The following ST8SIA6 variants were observed in gnomAD, a reference collection of about 807,000 sequenced individuals.
The protein encoded by ST8SIA6 is ST8 alpha-N-acetyl-neuraminide alpha-2,8-sialyltransferase 6, also known as alpha-2,8-sialyltransferase 8F.
ST8SIA6 carries 39 observed loss-of-function variants against 33.6 expected under a neutral mutation model. That is an observed-to-expected ratio of 1.16 (90% confidence interval 0.90 to 1.52). ST8SIA6 has a LOEUF of 1.52. ST8SIA6 is among the 40% of genes most tolerant of loss of function. The pLI, the probability that ST8SIA6 is intolerant of heterozygous loss-of-function variation, is 0.00. For synonymous variants in ST8SIA6, 172 were observed against 167.2 expected, an observed-to-expected ratio of 1.03 and a Z score of -0.22; for missense variants, 441 against 443.8, an observed-to-expected ratio of 0.99 and a Z score of 0.06.
chr10:17,320,975 T>C lies in ST8SIA6; in HGVS notation c.1100A>G (p.His367Arg). The change falls in exon 8 of 8, where the codon CAT becomes CGT. Residue 367 changes from histidine to arginine, a missense_variant. Transcript: ENST00000377602. ...HHYYDNKLPK[H>R]GFHQMPKEYS... ...TTCTTTGGGCATCTGATGGAAACCA[T>C]GTTTAGGTAGCTTGTTGTCATAATA... 1 of 1,614,128 alleles carries C rather than the reference T, an allele frequency of 6.2e-7. No individual in the cohort carries two copies. Among genetic ancestry groups the C allele is most frequent in the Non-Finnish European group, 8.5e-7 (1 of 1,179,978 alleles).
rs981388915 is a variant in ST8SIA6, at chr10:17,398,098, G to A, written c.201-7478C>T. On this transcript the variant is annotated intron_variant, in intron 2 of 7. Transcript: ENST00000377602. ...TCCCAGCACTTTGGGAGGCTGCGGC[G>A]GGTGGATCACCTGAGGTCAGGAGTT... 2.6e-5 allele frequency among the ~76,000 whole-genome samples: 4 copies of A among 152,082 alleles called. 1 individual carries two copies. Among genetic ancestry groups the A allele is most frequent in the African/African-American group, 7.2e-5 (3 of 41,402 alleles).
chr10:17,326,539 A>T (rs1232580379), intron 6 of ST8SIA6, among the ~76,000 whole-genome samples: 2 of 152,260 alleles, frequency 1.3e-5, no homozygotes, highest in African/African-American at 4.8e-5. Flanking sequence ...AAACGAAATA[A>T]TGATACAGTT....
At chr10:17,326,678 T>C (rs911371149) in intron 6 of ST8SIA6, among the ~76,000 whole-genome samples, 5 of 152,118 alleles carry the variant, frequency 3.3e-5, no homozygotes, top group Admixed American at 1.3e-4. Context: ...CAAGGTCAGG[T>C]GAGCCTGAGA....
chr10:17,397,237 T>TG (rs1554796921), intron 2 of ST8SIA6, among the ~76,000 whole-genome samples: 1 of 145,540 alleles, frequency 6.9e-6, no homozygotes, highest in Admixed American at 6.9e-5. Flanking sequence ...TTTTTTGTTT[T>TG]TTTTTTTTTT....
At chr10:17,385,772 T>C (rs888481549) in intron 3 of ST8SIA6, among the ~76,000 whole-genome samples, 1 of 152,156 alleles carries the variant, frequency 6.6e-6, no homozygotes, top group East Asian at 1.9e-4. Flanking sequence ...CATACCTCCC[T>C]AAAATGTATA....
At chr10:17,401,254 CA>C (rs1363449802) in intron 2 of ST8SIA6, among the ~76,000 whole-genome samples, 77 of 152,254 alleles carry the variant, frequency 5.1e-4, no homozygotes, top group African/African-American at 1.8e-3. Flanking sequence ...AGGAGAACTA[CA>C]AACCACTGCT....
intron 3 of ST8SIA6, among the ~76,000 whole-genome samples, chr10:17,368,922 C>T (rs765116274): frequency 2.6e-5 from 4 of 152,126 alleles, no homozygotes; most frequent in Admixed American, 1.3e-4. Flanking sequence ...TGCTATTGGC[C>T]TTGCTATTCA....
At chr10:17,387,837 A>G (rs1937497643) in intron 3 of ST8SIA6, among the ~76,000 whole-genome samples, 1 of 152,242 alleles carries the variant, frequency 6.6e-6, no homozygotes, top group South Asian at 2.1e-4. Flanking sequence ...TAACAACGCC[A>G]AGCTCTCAAT....
intron 4 of ST8SIA6, among the ~76,000 whole-genome samples, chr10:17,344,660 G>A (rs374178454): frequency 9.9e-5 from 15 of 152,180 alleles, no homozygotes; most frequent in African/African-American, 3.6e-4. Flanking sequence ...CTACACCTTT[G>A]GAAATTTTGG....
intron 2 of ST8SIA6, among the ~76,000 whole-genome samples, chr10:17,438,011 G>C (rs932397279): frequency 1.3e-5 from 2 of 151,702 alleles, no homozygotes; most frequent in South Asian, 2.1e-4. Flanking sequence ...ATACAGGTGT[G>C]AGCCACCATG....
At chr10:17,423,566 C>G (rs992351301) in intron 2 of ST8SIA6, among the ~76,000 whole-genome samples, 2 of 152,184 alleles carry the variant, frequency 1.3e-5, no homozygotes, top group African/African-American at 2.4e-5. Context: ...CTTCACTTTC[C>G]AGGCTTTTCT....
intron 2 of ST8SIA6, among the ~76,000 whole-genome samples, chr10:17,394,247 G>C (rs536906854): frequency 6.6e-6 from 1 of 151,848 alleles, no homozygotes; most frequent in Non-Finnish European, 1.5e-5. Flanking sequence ...TGAAGGTGAC[G>C]GAATGAAGTC....
rs1166496558 is a variant in ST8SIA6 at position 17,333,699 on chromosome 10, A to T, written c.378-2147T>A. 1.3e-3 allele frequency among the ~76,000 whole-genome samples: 31 copies of T among 23,034 alleles called. 7 individuals carry two copies. Among genetic ancestry groups the T allele is most frequent in the South Asian group, 2.6e-3 (2 of 782 alleles). The allele number at this position is 23,034 out of a possible 152,430, so 15.1% of individuals were successfully genotyped here. On this transcript the variant is annotated intron_variant, in intron 4 of 7. Transcript: ENST00000377602. ...TATATATATATATATATATATATAT[A>T]TATATATATATATATATATTTTTTT...
At chr10:17,423,274 G>A (rs1022560664) in intron 2 of ST8SIA6, among the ~76,000 whole-genome samples, 3 of 152,146 alleles carry the variant, frequency 2.0e-5, no homozygotes, top group East Asian at 1.9e-4. Flanking sequence ...TTCTGTTCTC[G>A]AAATCCTAAT....
chr10:17,333,688 T>TAGATATATATAG (rs1391580983), intron 4 of ST8SIA6, among the ~76,000 whole-genome samples: 1 of 21,324 alleles, frequency 4.7e-5, no homozygotes, highest in African/African-American at 1.4e-4. Context: ...TATATATATA[T>TAGATATATATAG]ATATATATAT....
intron 3 of ST8SIA6, among the ~76,000 whole-genome samples, chr10:17,368,261 A>T (rs2440615): frequency 6.8e-6 from 1 of 147,742 alleles, no homozygotes; most frequent in South Asian, 2.2e-4. Flanking sequence ...AAAAAAAATT[A>T]CAAAATTAGC....
chr10:17,415,773 T>C (rs1851586325), intron 2 of ST8SIA6, among the ~76,000 whole-genome samples: 1 of 151,414 alleles, frequency 6.6e-6, no homozygotes, highest in Admixed American at 6.6e-5. Flanking sequence ...AAAGCCCCCA[T>C]GTTCCAAATT....
At chr10:17,338,077 C>A (rs1181792890) in intron 4 of ST8SIA6, among the ~76,000 whole-genome samples, 1 of 150,024 alleles carries the variant, frequency 6.7e-6, no homozygotes, top group African/African-American at 2.5e-5. Context: ...TCTTCCCTCC[C>A]AGGCTGGAGT....
At chr10:17,335,332 T>C (rs1321299169) in intron 4 of ST8SIA6, among the ~76,000 whole-genome samples, 1 of 152,224 alleles carries the variant, frequency 6.6e-6, no homozygotes, top group Non-Finnish European at 1.5e-5. Context: ...CACACTTCTA[T>C]TATTGGTTTA....
Sources: allele counts gnomAD v4.1 joint callset (sites outside exome capture counted in the v4.1 genomes callset), GRCh38; gene constraint gnomAD v4.1.1; transcripts MANE v1.5; gene names NCBI Gene and HGNC (gene_info 2026-07-23, HGNC 2026-07-21).